Variants in MACROD2 observed in about 807,000 individuals in gnomAD.
MACROD2 encodes the protein ADP-ribose glycohydrolase MACROD2.
In MACROD2, 36 loss-of-function variants were observed where a neutral mutation model predicts 70.4. The ratio of observed to expected loss-of-function variants is 0.51; its 90% CI spans 0.39 to 0.68. The LOEUF is 0.68. MACROD2 is among the 30% of genes least tolerant of loss of function. The pLI is 0.00. For missense variants in MACROD2, 496 were observed against 538.4 expected (o/e 0.92, Z 0.78); for synonymous variants, 172 against 178.8 (o/e 0.96, Z 0.30).
intron 5 of MACROD2, among the ~76,000 whole-genome samples, chr20:14,955,478 G>A (rs2074528226): frequency 6.6e-6 from 1 of 151,128 alleles, no homozygotes; most frequent in African/African-American, 2.4e-5. Context: ...ATCGTATATT[G>A]CGATATGTCT....
chr20:15,348,475 A>G (rs938718448), intron 6 of MACROD2, among the ~76,000 whole-genome samples: 1 of 152,224 alleles, frequency 6.6e-6, no homozygotes, highest in African/African-American at 2.4e-5. Context: ...AGAAGAAATC[A>G]AGTTTTGGAA....
chr20:15,607,769 G>A (rs1364358801), intron 8 of MACROD2, among the ~76,000 whole-genome samples: 1 of 152,040 alleles, frequency 6.6e-6, no homozygotes, highest in Non-Finnish European at 1.5e-5. Context: ...CCTGACCTCA[G>A]GTGATCTACC....
chr20:14,070,879 C>T (rs554082677), intron 2 of MACROD2, among the ~76,000 whole-genome samples: 4 of 152,188 alleles, frequency 2.6e-5, no homozygotes, highest in South Asian at 4.2e-4. Context: ...TTAAGTGTGA[C>T]GGCTAAGGGA....
At position 14,466,267 on chromosome 20, in the gene MACROD2, G is replaced by C. The variant is rs191673462; in HGVS notation, c.272-27212G>C. 1.4e-4 allele frequency among the ~76,000 whole-genome samples: 21 copies of C among 151,926 alleles called. No individual in the cohort carries two copies. The East Asian group carries it at 3.7e-3, about 27-fold the overall frequency. On this transcript the variant is annotated intron_variant, in intron 3 of 17. Transcript: ENST00000684519. The stretch of plus-strand genomic sequence containing the variant: ...CTTTTTTCTCTAAACTTCTCTTCAC[G>C]CTTCATTTCATTTATTTCATCTTCC...
At chr20:14,583,714 A>G (rs1398388663) in intron 4 of MACROD2, among the ~76,000 whole-genome samples, 1 of 152,234 alleles carries the variant, frequency 6.6e-6, no homozygotes, top group East Asian at 1.9e-4. Flanking sequence ...TATAATTTAT[A>G]TAATGCATTT....
chr20:14,719,779 G>A (rs192898815), intron 5 of MACROD2, among the ~76,000 whole-genome samples: 8 of 152,168 alleles, frequency 5.3e-5, no homozygotes, highest in Admixed American at 1.3e-4. Context: ...CTTCTAATTC[G>A]AGGCCTATGT....
At chr20:14,026,089 C>T (rs1405349281) in intron 2 of MACROD2, among the ~76,000 whole-genome samples, 1 of 152,124 alleles carries the variant, frequency 6.6e-6, no homozygotes, top group African/African-American at 2.4e-5. Context: ...ATCCCTTTAC[C>T]ATTATGTAAT....
intron 8 of MACROD2, among the ~76,000 whole-genome samples, chr20:15,617,624 G>T (rs2049057431): frequency 6.6e-6 from 1 of 152,220 alleles, no homozygotes; most frequent in Non-Finnish European, 1.5e-5. Context: ...CATGGCCAGA[G>T]AATTCTATCT....
chr20:15,687,898 T>C (rs939744270), intron 8 of MACROD2, among the ~76,000 whole-genome samples: 4 of 152,288 alleles, frequency 2.6e-5, no homozygotes, highest in African/African-American at 9.6e-5. Flanking sequence ...TGGTTGCTCA[T>C]CTGTTGGTTA....
chr20:14,937,501 T>G (rs2074350778), intron 5 of MACROD2, among the ~76,000 whole-genome samples: 1 of 152,154 alleles, frequency 6.6e-6, no homozygotes, highest in African/African-American at 2.4e-5. Flanking sequence ...ATGCTCAGAC[T>G]GTGGTCCAGT....
chr20:15,166,363 C>T (rs1429258857), intron 5 of MACROD2, among the ~76,000 whole-genome samples: 2 of 152,130 alleles, frequency 1.3e-5, no homozygotes, highest in African/African-American at 4.8e-5. Context: ...CCACAGAAGG[C>T]TCTCTCTTTT....
chr20:14,292,046 C>G (rs774033437), intron 3 of MACROD2, among the ~76,000 whole-genome samples: 3 of 151,992 alleles, frequency 2.0e-5, no homozygotes, highest in Non-Finnish European at 4.4e-5. Flanking sequence ...CTGTGAAGCA[C>G]GAATAGCATC....
At chr20:14,849,944 C>T (rs988145372) in intron 5 of MACROD2, 1 of 506,792 alleles carries the variant, frequency 2.0e-6, no homozygotes, top group African/African-American at 2.0e-5. Context: ...TGAATCTTCT[C>T]CTACACCTGA....
At chr20:14,814,929 A>C (rs958134187) in intron 5 of MACROD2, among the ~76,000 whole-genome samples, 2 of 151,958 alleles carry the variant, frequency 1.3e-5, no homozygotes, top group East Asian at 3.9e-4. Flanking sequence ...TATTGAATGA[A>C]TGAATGAATG....
chr20:15,187,455 A>G (rs1186380262), intron 5 of MACROD2, among the ~76,000 whole-genome samples: 1 of 152,206 alleles, frequency 6.6e-6, no homozygotes, highest in African/African-American at 2.4e-5. Context: ...GGAGGAAAGG[A>G]ACCTTGTATG....
At chr20:14,860,938 A>G (rs2073308864) in intron 5 of MACROD2, among the ~76,000 whole-genome samples, 1 of 150,848 alleles carries the variant, frequency 6.6e-6, no homozygotes, top group Admixed American at 6.7e-5. Flanking sequence ...ATCTCTAACT[A>G]CATCCCCATT....
At chr20:14,852,749 T>G (rs2073212589) in intron 5 of MACROD2, among the ~76,000 whole-genome samples, 1 of 152,162 alleles carries the variant, frequency 6.6e-6, no homozygotes, top group Admixed American at 6.5e-5. Flanking sequence ...GAAGCAAATT[T>G]TTTGCAGAAA....
intron 5 of MACROD2, among the ~76,000 whole-genome samples, chr20:15,088,542 C>A (rs1429814350): frequency 6.7e-6 from 1 of 149,314 alleles, no homozygotes; most frequent in Non-Finnish European, 1.5e-5. Context: ...AAATTAACTG[C>A]TGGATATGTG....
Position 15,230,161 on chromosome 20 carries a change from T to C in MACROD2, c.540+100T>C, listed in dbSNP as rs189019779. On this transcript the variant is annotated intron_variant, in intron 6 of 17. Transcript: ENST00000684519. ...GAGGTAGGAAACCATTTCCAAACTTTTGAGAACTAAGTTTAAGGATCTTAG... is the reference window on the plus strand; with the variant it reads ...GAGGTAGGAAACCATTTCCAAACTTCTGAGAACTAAGTTTAAGGATCTTAG... 5,122 of 1,195,544 alleles carry C rather than the reference T, an allele frequency of 4.3e-3. 17 individuals carry two copies. The highest frequency in any genetic ancestry group is 7.1e-3 in the South Asian group (391 of 54,866). The allele number at this position is 1,195,544 out of a possible 1,614,324, so 74.1% of individuals were successfully genotyped here.
Sources: gnomAD v4.1 joint callset for allele counts (sites outside exome capture counted in the v4.1 genomes callset) on GRCh38, gnomAD v4.1.1 for gene constraint, MANE v1.5 for transcripts, NCBI Gene and HGNC (gene_info 2026-07-23, HGNC 2026-07-21) for gene names.